TOM1L2: variants seen among roughly 807,000 people sequenced by gnomAD.
The protein encoded by TOM1L2 is target of myb1 like 2 membrane trafficking protein, also known as TOM1-like protein 2.
A neutral mutation model predicts 67.9 loss-of-function variants in TOM1L2; 31 were observed. The observed-to-expected ratio is 0.46, with a 90% CI of 0.34 to 0.62. The LOEUF (loss-of-function observed/expected upper bound fraction) is 0.62. Ranked by LOEUF, TOM1L2 falls within the 20% of genes least tolerant of loss-of-function variation. The probability of loss-of-function intolerance (pLI) is 0.01; values close to 1 mark genes in which losing one functional copy is unlikely to be tolerated. For missense variants in TOM1L2, 606 were observed against 663.5 expected (o/e 0.91, Z 0.95); for synonymous variants, 256 against 254.0 (o/e 1.01, Z -0.07).
At chr17:17,916,700 G>C (rs2039641837) in intron 1 of TOM1L2, among the ~76,000 whole-genome samples, 1 of 152,182 alleles carries the variant, frequency 6.6e-6, no homozygotes, top group Non-Finnish European at 1.5e-5. Flanking sequence ...AAATCAGGAA[G>C]TGTGAGTCCT....
chr17:17,857,511 C>G (rs565964374), intron 12 of TOM1L2, among the ~76,000 whole-genome samples: 1 of 152,252 alleles, frequency 6.6e-6, no homozygotes, highest in South Asian at 2.1e-4. Flanking sequence ...AGGAAAGGAC[C>G]CTCTCCTCAT....
rs374981320 is a variant in TOM1L2 at position 17,861,006 on chromosome 17, G to A, written c.1278+470C>T. 2.0e-5 allele frequency among the ~76,000 whole-genome samples: 3 copies of A among 152,352 alleles called. No individual in the cohort carries two copies. In the East Asian group the frequency reaches 5.8e-4, roughly 29 times the overall value. ...CTAGGCCAGTGACAAATGGCCATCA[G>A]AGATGTGGCTCGGGTCAGCATTGTC... On this transcript the variant is annotated intron_variant, in intron 12 of 14. Transcript: ENST00000379504.
rs758849357 is a variant in TOM1L2 at position 17,884,679 on chromosome 17, G to A, written c.456C>T (p.Pro152=). Residue 152 remains proline (P), a synonymous_variant, in exon 5 of 15, where the codon CCC becomes CCT. Coordinates refer to ENST00000379504, the MANE Select transcript of TOM1L2 (RefSeq NM_001082968.2). The part of the protein sequence containing the change: ...EELKRKGVEF[P]MADLDALSPI... ...GAGACAGAGCGTCCAAGTCTGCCAT[G>A]GGAAATTCAACCCCTTTCCTCTTCA... 8 of 1,614,094 alleles carry A rather than the reference G, an allele frequency of 5.0e-6. No individual in the cohort carries two copies. The highest frequency in any genetic ancestry group is 6.8e-6 in the Non-Finnish European group (8 of 1,180,026).
At chr17:17,914,340 G>A (rs1465843607) in intron 1 of TOM1L2, among the ~76,000 whole-genome samples, 1 of 152,138 alleles carries the variant, frequency 6.6e-6, no homozygotes, top group Admixed American at 6.5e-5. Context: ...TGGAACCTCT[G>A]CCCTCAGTCT....
At chr17:17,892,974 C>G (rs1335052290) in intron 4 of TOM1L2, among the ~76,000 whole-genome samples, 2 of 152,154 alleles carry the variant, frequency 1.3e-5, no homozygotes. Flanking sequence ...AATGCAACCT[C>G]AAGAGAGACT....
intron 1 of TOM1L2, among the ~76,000 whole-genome samples, chr17:17,940,272 G>A (rs547767105): frequency 4.0e-5 from 6 of 151,470 alleles, no homozygotes; most frequent in East Asian, 1.9e-4. Flanking sequence ...GAGCTTATAC[G>A]GGTCAAGCAC....
At chr17:17,929,537 A>C (rs2040240143) in intron 1 of TOM1L2, among the ~76,000 whole-genome samples, 1 of 152,196 alleles carries the variant, frequency 6.6e-6, no homozygotes, top group Non-Finnish European at 1.5e-5. Flanking sequence ...AGGCCGAGGC[A>C]GGAGAATCGC....
chr17:17,854,284 G>A lies in TOM1L2; in HGVS notation c.1279-3332C>T, dbSNP rs576718243. Among the ~76,000 whole-genome samples the A allele has an allele frequency of 4.6e-5, 7 of 152,204 alleles. No individual in the cohort carries two copies. The East Asian group carries it at 9.7e-4, about 21-fold the overall frequency. On this transcript the variant is annotated intron_variant, in intron 12 of 14. Transcript: ENST00000379504. ...AGAAACTGTGGGAGGCCGAGGACGC[G>A]CTCCTTGTCAGGCTGATGGGAGGGA...
intron 1 of TOM1L2, among the ~76,000 whole-genome samples, chr17:17,922,850 A>T (rs58376085): frequency 0.024 from 3,661 of 152,248 alleles, 130 homozygotes; most frequent in African/African-American, 0.073. Context: ...ACTGTCTCCA[A>T]TGCTTTTATT....
In TOM1L2 at chr17:17,881,683, G is replaced by A. The variant is rs116560884; in HGVS notation, c.660+1022C>T. Among the ~76,000 whole-genome samples, 320 of 152,320 alleles carry A rather than the reference G, an allele frequency of 2.1e-3. 1 individual carries two copies. Among genetic ancestry groups the A allele is most frequent in the Middle Eastern group, 6.8e-3 (2 of 294 alleles). ...TCACTTGTTCTACTGATGGGAGACC[G>A]GGGTTAAATGTCCTGACTGAAGCCT... On this transcript the variant is annotated intron_variant, in intron 6 of 14. Transcript: ENST00000379504.
chr17:17,908,134 T>C (rs2039179476), intron 1 of TOM1L2, among the ~76,000 whole-genome samples: 1 of 152,184 alleles, frequency 6.6e-6, no homozygotes, highest in Non-Finnish European at 1.5e-5. Context: ...ACTGTAGGTG[T>C]GGTGTTGGGT....
At chr17:17,892,080 A>G (rs954826038) in intron 4 of TOM1L2, among the ~76,000 whole-genome samples, 1 of 152,176 alleles carries the variant, frequency 6.6e-6, no homozygotes, top group African/African-American at 2.4e-5. Flanking sequence ...AAGACCACAA[A>G]AAAGGATGAT....
intron 1 of TOM1L2, among the ~76,000 whole-genome samples, chr17:17,945,728 A>G (rs1325456626): frequency 6.6e-6 from 1 of 152,210 alleles, no homozygotes; most frequent in African/African-American, 2.4e-5. Flanking sequence ...CTGGATCTTA[A>G]GTATCTTAAT....
chr17:17,884,566 T>C lies in TOM1L2; in HGVS notation c.501+68A>G, dbSNP rs56160247. 7.0e-3 allele frequency: 11,135 copies of C among 1,591,518 alleles called. 322 individuals carry two copies. In the African/African-American group the frequency reaches 0.073, roughly 10 times the overall value. Reference sequence around the variant, plus strand: ...TAATTCAAAGGCAGCAGCAGAAGGGTGGCTGCAGCAGCTTGGCTCACCCGT... The same window carrying C: ...TAATTCAAAGGCAGCAGCAGAAGGGCGGCTGCAGCAGCTTGGCTCACCCGT... On this transcript the variant is annotated intron_variant, in intron 5 of 14. Coordinates refer to ENST00000379504, the MANE Select transcript of TOM1L2 (RefSeq NM_001082968.2).
At chr17:17,912,598 C>A (rs533443184) in intron 1 of TOM1L2, among the ~76,000 whole-genome samples, 2 of 151,388 alleles carry the variant, frequency 1.3e-5, no homozygotes, top group Non-Finnish European at 2.9e-5. Context: ...GGCGGCCGGG[C>A]AGAGACGCTC....
intron 12 of TOM1L2, among the ~76,000 whole-genome samples, chr17:17,857,435 C>A (rs1386428915): frequency 1.3e-5 from 2 of 152,182 alleles, no homozygotes; most frequent in Non-Finnish European, 2.9e-5. Context: ...CAAGCAAAAG[C>A]CACAGTAACT....
intron 1 of TOM1L2, among the ~76,000 whole-genome samples, chr17:17,945,855 CTTTT>C (rs1206119239): frequency 1.3e-5 from 2 of 152,038 alleles, no homozygotes; most frequent in East Asian, 1.9e-4. Flanking sequence ...AATCTTTTTT[CTTTT>C]TTTATTTTTT....
Position 17,850,882 on chromosome 17 carries a change from T to G in TOM1L2, c.1338+11A>C. ...ACACCCCACAGATGAAATAGAAAAG[T>G]CGAGTCTCACCAGGTCGGTCCTGAG... On this transcript the variant is annotated intron_variant, in intron 13 of 14. Transcript: ENST00000379504. 6.2e-7 allele frequency: 1 copy of G among 1,613,878 alleles called. No individual in the cohort carries two copies. The highest frequency in any genetic ancestry group is 2.2e-5 in the East Asian group (1 of 44,864).
At chr17:17,943,968 G>T (rs2144816864) in intron 1 of TOM1L2, among the ~76,000 whole-genome samples, 1 of 152,312 alleles carries the variant, frequency 6.6e-6, no homozygotes, top group African/African-American at 2.4e-5. Flanking sequence ...GAGCAGCTCA[G>T]ATGTCACCTC....
Sources: gnomAD v4.1 joint callset for allele counts (sites outside exome capture counted in the v4.1 genomes callset) on GRCh38, gnomAD v4.1.1 for gene constraint, MANE v1.5 for transcripts, NCBI Gene and HGNC (gene_info 2026-07-23, HGNC 2026-07-21) for gene names.